TRAPPC11: variants seen among roughly 807,000 people sequenced by gnomAD.
The protein encoded by TRAPPC11 is foie gras homolog.
Under a neutral mutation model 151.2 loss-of-function variants are expected in TRAPPC11, and 104 were observed. That is an observed-to-expected ratio of 0.69 (90% CI 0.59 to 0.81). The LOEUF (loss-of-function observed/expected upper bound fraction) is 0.81, where lower values mean the gene tolerates loss of function less well. Ranked by LOEUF, TRAPPC11 falls within the 30% of genes least tolerant of loss-of-function variation. TRAPPC11 has a pLI of 0.00. For missense variants in TRAPPC11, 1,230 were observed against 1,349.6 expected (o/e 0.91, Z 1.39); for synonymous variants, 456 against 472.3 (o/e 0.97, Z 0.45).
At chr4:183,694,833 AGT>A in intron 23 of TRAPPC11, 110 bp downstream of exon 23, 1 of 1,095,836 alleles carries the variant, frequency 9.1e-7, no homozygotes, top group Non-Finnish European at 1.3e-6. Context: ...AGGTGCTTAT[AGT>A]CTGTTATAAA....
At chr4:183,672,642 T>C (rs1034580708) in intron 5 of TRAPPC11, among the ~76,000 whole-genome samples, 1 of 152,208 alleles carries the variant, frequency 6.6e-6, no homozygotes, top group African/African-American at 2.4e-5. Context: ...CCTGTTACGG[T>C]TAAAGCGAGG....
In TRAPPC11 at chr4:183,684,127, C is replaced by G. The variant is rs1735841505; in HGVS notation, c.1288-18C>G. Reference sequence around the variant, plus strand: ...AATATTTGTATTGAAATGTTTCACACTCTACTTTTTCTAATAGGAGATAAT... The same window carrying G: ...AATATTTGTATTGAAATGTTTCACAGTCTACTTTTTCTAATAGGAGATAAT... On this transcript the variant is annotated intron_variant, in intron 12 of 29. Coordinates refer to ENST00000334690, the MANE Select transcript of TRAPPC11 (RefSeq NM_021942.6). 1 of 1,609,630 alleles carries G rather than the reference C, an allele frequency of 6.2e-7. No homozygotes were observed. The highest frequency in any genetic ancestry group is 1.3e-5 in the African/African-American group (1 of 74,756).
Position 183,666,852 on chromosome 4 carries a change from A to C in TRAPPC11, c.375-208A>C. The C allele has an allele frequency of 6.2e-6, 3 of 482,788 alleles. No homozygotes were observed. In the East Asian group the frequency reaches 9.4e-5, roughly 15 times the overall value. The allele number at this position is 482,788 out of a possible 1,614,324, so 29.9% of individuals were successfully genotyped here. On this transcript the variant is annotated intron_variant, in intron 3 of 29. Coordinates refer to ENST00000334690, the MANE Select transcript of TRAPPC11 (RefSeq NM_021942.6). Reference sequence around the variant, plus strand: ...TCTTTTGCTTTTAAGGAAGATTTTTAAGATTAGAAGATGTGAGATCATACT... The same window carrying C: ...TCTTTTGCTTTTAAGGAAGATTTTTCAGATTAGAAGATGTGAGATCATACT...
chr4:183,664,770 T>C (rs1421598779), intron 2 of TRAPPC11, among the ~76,000 whole-genome samples: 1 of 152,182 alleles, frequency 6.6e-6, no homozygotes, highest in East Asian at 1.9e-4. Flanking sequence ...GAGGTTGGTT[T>C]GAAAGTTAGG....
At chr4:183,705,471 T>A (rs1737009316) in intron 27 of TRAPPC11, among the ~76,000 whole-genome samples, 1 of 152,198 alleles carries the variant, frequency 6.6e-6, no homozygotes, top group Non-Finnish European at 1.5e-5. Flanking sequence ...TGGATAAGTC[T>A]TATACTATCC....
At chr4:183,684,932 A>G (rs1735888421) in intron 15 of TRAPPC11, 91 bp downstream of exon 15, 1 of 1,346,540 alleles carries the variant, frequency 7.4e-7, no homozygotes, top group East Asian at 2.5e-5. Context: ...ATTTAGTCCC[A>G]GATAATTAGT....
At chr4:183,677,620 G>T in intron 8 of TRAPPC11, 66 bp downstream of exon 8, 2 of 935,762 alleles carry the variant, frequency 2.1e-6, no homozygotes, top group South Asian at 2.9e-5. Context: ...TTTAAAATTT[G>T]AACATCAAAA....
intron 22 of TRAPPC11, among the ~76,000 whole-genome samples, 157 bp from the exon 23 acceptor site, chr4:183,694,447 G>A (rs1736426050): frequency 6.6e-6 from 1 of 152,182 alleles, no homozygotes; most frequent in African/African-American, 2.4e-5. Flanking sequence ...TACAGTGGGA[G>A]CATTGATGAG....
At chr4:183,695,364 C>T (rs545410148) in intron 23 of TRAPPC11, among the ~76,000 whole-genome samples, 1 of 152,072 alleles carries the variant, frequency 6.6e-6, no homozygotes, top group Admixed American at 6.5e-5. Flanking sequence ...AGGAGGTCGC[C>T]CTTTGAAAGG....
In TRAPPC11 at chr4:183,701,773, A is replaced by C. The variant is rs762264853; in HGVS notation, c.2928A>C (p.Gly976=). Reference sequence around the variant, plus strand: ...CATCTCTTGGAAATATTGAAGGTGGAGTAGCAACCGGGCATTATATTATCT... The same window carrying C: ...CATCTCTTGGAAATATTGAAGGTGGCGTAGCAACCGGGCATTATATTATCT... ...QCPSLGNIEG[G]VATGHYIISW... The change falls in exon 26 of 30, where the codon GGA becomes GGC. Residue 976 remains glycine (G), a synonymous_variant. Coordinates refer to ENST00000334690, the MANE Select transcript of TRAPPC11 (RefSeq NM_021942.6). 1.2e-6 allele frequency: 2 copies of C among 1,613,830 alleles called. No homozygotes were observed. Among genetic ancestry groups the C allele is most frequent in the East Asian group, 2.2e-5 (1 of 44,838 alleles).
intron 8 of TRAPPC11, 134 bp downstream of exon 8, chr4:183,677,688 C>T: frequency 1.6e-6 from 1 of 606,356 alleles, no homozygotes; most frequent in Non-Finnish European, 2.9e-6. Context: ...CCTTTTATAT[C>T]CTTTTTCTCA....
intron 17 of TRAPPC11, 40 bp downstream of exon 17, chr4:183,685,443 G>C: frequency 6.3e-7 from 1 of 1,581,532 alleles, no homozygotes; most frequent in Non-Finnish European, 8.7e-7. Context: ...CAGAGAAATT[G>C]TCTTATTTCT....
At chr4:183,706,722 A>C in intron 27 of TRAPPC11, 85 bp from the exon 28 acceptor site, 4 of 1,440,700 alleles carry the variant, frequency 2.8e-6, no homozygotes, top group Non-Finnish European at 3.8e-6. Flanking sequence ...TACTATGTCC[A>C]CAGAATGAGA....
At chr4:183,674,486 T>C (rs1284970838) in intron 5 of TRAPPC11, among the ~76,000 whole-genome samples, 6 of 152,028 alleles carry the variant, frequency 3.9e-5, no homozygotes, top group Non-Finnish European at 5.9e-5. Context: ...GTATTTTTAT[T>C]TGTTGTATCC....
chr4:183,659,751 A>G (rs1317233763), intron 1 of TRAPPC11, among the ~76,000 whole-genome samples: 2 of 152,132 alleles, frequency 1.3e-5, no homozygotes, highest in African/African-American at 4.8e-5. Context: ...CCTACGTTGG[A>G]TTGTTGCTTC....
chr4:183,659,647 A>C (rs560608712), intron 1 of TRAPPC11, among the ~76,000 whole-genome samples, 200 bp downstream of exon 1: 2 of 152,344 alleles, frequency 1.3e-5, no homozygotes, highest in Admixed American at 1.3e-4. Context: ...AAGAGGAGGA[A>C]GATATCTGCC....
chr4:183,673,164 G>A (rs62357989), intron 5 of TRAPPC11, among the ~76,000 whole-genome samples: 4,972 of 151,848 alleles, frequency 0.033, 127 homozygotes, highest in Non-Finnish European at 0.055. Flanking sequence ...GGGTTTCACC[G>A]TGTTAGCCAG....
chr4:183,686,331 T>G (rs1243259985), intron 17 of TRAPPC11, among the ~76,000 whole-genome samples: 17 of 145,394 alleles, frequency 1.2e-4, no homozygotes, highest in East Asian at 1.0e-3. Flanking sequence ...TAGATAAGGT[T>G]TCACCGTGTT....
At chr4:183,667,880 G>A (rs1734961302) in intron 4 of TRAPPC11, 123 bp from the exon 5 acceptor site, 2 of 724,046 alleles carry the variant, frequency 2.8e-6, no homozygotes, top group African/African-American at 1.8e-5. Context: ...TCCTGTTGGT[G>A]TGATGAAAAG....
Sources: allele counts gnomAD v4.1 joint callset (sites outside exome capture counted in the v4.1 genomes callset), GRCh38; gene constraint gnomAD v4.1.1; transcripts MANE v1.5; gene names NCBI Gene and HGNC (gene_info 2026-07-23, HGNC 2026-07-21).